The following DENND4C variants were observed in gnomAD, a reference collection of about 807,000 sequenced individuals.
DENND4C encodes the protein DENN domain-containing protein 4C.
Under a neutral mutation model 203.0 loss-of-function variants are expected in DENND4C, and 108 were observed. The ratio of observed to expected loss-of-function variants is 0.53; its 90% CI spans 0.46 to 0.62. DENND4C has a LOEUF of 0.62. DENND4C is among the 20% of genes least tolerant of loss of function. DENND4C has a pLI of 0.00. For missense variants in DENND4C, 2,481 were observed against 2,301.2 expected (o/e 1.08, Z -1.60); for synonymous variants, 871 against 792.4 (o/e 1.10, Z -1.67).
chr9:19,277,736 A>C (rs1406579133), intron 2 of DENND4C, among the ~76,000 whole-genome samples: 1 of 151,990 alleles, frequency 6.6e-6, no homozygotes, highest in African/African-American at 2.4e-5. Flanking sequence ...CTCATTCCTG[A>C]TTTTAGGTGG....
Position 19,278,877 on chromosome 9 carries a change from C to T in DENND4C, c.305+2398C>T, listed in dbSNP as rs868311463. On this transcript the variant is annotated intron_variant, in intron 2 of 32. Transcript: ENST00000434457. ...AAAGGCCCCCTCCACTCTGCCCCCC[C>T]AGAAGCTTGACTTTAAGGGAAGGGG... Among the ~76,000 whole-genome samples, 4 of 152,148 alleles carry T rather than the reference C, an allele frequency of 2.6e-5. No individual in the cohort carries two copies. The South Asian group carries it at 6.2e-4, about 24-fold the overall frequency.
chr9:19,316,100 C>A (rs927453020), intron 10 of DENND4C, among the ~76,000 whole-genome samples: 9 of 152,130 alleles, frequency 5.9e-5, no homozygotes, highest in African/African-American at 2.2e-4. Flanking sequence ...TTTGAAGTCT[C>A]ATGTCAACTA....
chr9:19,230,617 G>A (rs1329926826), upstream of DENND4C: 1 of 152,152 alleles, frequency 6.6e-6, no homozygotes, highest in Non-Finnish European at 1.5e-5. Flanking sequence ...CACCCGCGCG[G>A]GCCAGCGCTC....
chr9:19,336,370 C>T lies in DENND4C; in HGVS notation c.2690C>T (p.Pro897Leu), dbSNP rs144291586. 32 of 1,613,680 alleles carry T rather than the reference C, an allele frequency of 2.0e-5. No individual in the cohort carries two copies. Among genetic ancestry groups the T allele is most frequent in the East Asian group, 1.1e-4 (5 of 44,890 alleles). Residue 897 changes from proline (P) to leucine (L), a missense_variant, in exon 19 of 33, where the codon CCG becomes CTG. Physicochemically the swap from Pro to Leu is moderately conservative, Grantham distance 98 (BLOSUM62 -3). Transcript: ENST00000434457. ...CGTGGCTTGGCACAGTTTAGGCAGC[C>T]GCTTAAAAAGACTGTGCAAAGGTCA... ...VVRGLAQFRQ[P>L]LKKTVQRSQV...
intron 29 of DENND4C, among the ~76,000 whole-genome samples, chr9:19,361,179 A>T (rs1395357162): frequency 6.6e-6 from 1 of 152,102 alleles, no homozygotes; most frequent in Non-Finnish European, 1.5e-5. Context: ...TATTATTCTT[A>T]ACTGTTCTGT....
At chr9:19,236,713 C>T (rs1373110513) in intron 1 of DENND4C, among the ~76,000 whole-genome samples, 5 of 152,158 alleles carry the variant, frequency 3.3e-5, no homozygotes, top group Admixed American at 6.5e-5. Context: ...GACTTGAGAA[C>T]TGTTACATAA....
At chr9:19,281,474 A>G (rs1030751239) in intron 2 of DENND4C, among the ~76,000 whole-genome samples, 5 of 152,208 alleles carry the variant, frequency 3.3e-5, no homozygotes, top group African/African-American at 9.7e-5. Flanking sequence ...CCTATTAGCT[A>G]CTGGAAATAC....
At chr9:19,353,328 T>C (rs1824608827) in intron 26 of DENND4C, among the ~76,000 whole-genome samples, 1 of 152,100 alleles carries the variant, frequency 6.6e-6, no homozygotes, top group South Asian at 2.1e-4. Context: ...TGCCTTTAGC[T>C]GCTTTAAAAA....
chr9:19,245,853 C>G (rs1258672007), intron 1 of DENND4C, among the ~76,000 whole-genome samples: 1 of 92,052 alleles, frequency 1.1e-5, no homozygotes, highest in Non-Finnish European at 2.5e-5. Context: ...GAGACTCCGT[C>G]TCAAAAAAAA....
chr9:19,312,191 C>T (rs1304819162), intron 10 of DENND4C, among the ~76,000 whole-genome samples: 2 of 152,158 alleles, frequency 1.3e-5, no homozygotes, highest in Admixed American at 6.5e-5. Flanking sequence ...GGAATGTCCA[C>T]CTTCCAGGCT....
intron 1 of DENND4C, among the ~76,000 whole-genome samples, chr9:19,250,540 C>G (rs1177037396): frequency 6.6e-6 from 1 of 152,124 alleles, no homozygotes; most frequent in Non-Finnish European, 1.5e-5. Flanking sequence ...AAAGTCTTAA[C>G]TCATTTTGAC....
At chr9:19,281,428 GA>G (rs1284987899) in intron 2 of DENND4C, among the ~76,000 whole-genome samples, 2 of 152,142 alleles carry the variant, frequency 1.3e-5, no homozygotes, top group African/African-American at 4.8e-5. Context: ...AAGGGGTTTG[GA>G]AAACCTATTA....
chr9:19,366,307 A>G (rs2132289821), intron 30 of DENND4C, among the ~76,000 whole-genome samples: 1 of 152,334 alleles, frequency 6.6e-6, no homozygotes, highest in Non-Finnish European at 1.5e-5. Context: ...AGACCATTTA[A>G]GATAGTCTTT....
chr9:19,319,393 C>A (rs4977300), intron 12 of DENND4C, among the ~76,000 whole-genome samples: 1 of 132,468 alleles, frequency 7.5e-6, no homozygotes, highest in Admixed American at 7.7e-5. Flanking sequence ...TATATATATA[C>A]ATATATATAT....
chr9:19,241,241 A>G (rs1356499902), intron 1 of DENND4C, among the ~76,000 whole-genome samples: 14 of 152,210 alleles, frequency 9.2e-5, no homozygotes, highest in Admixed American at 9.2e-4. Flanking sequence ...AGCTTATTGT[A>G]ACCTTTTGAC....
In DENND4C at chr9:19,340,987, A is replaced by G; in HGVS notation, c.2882-5A>G. ...TTATATGTAAGTCTGCATTCTTTTT[A>G]ACAGGTGGTCAGTCTGACCAAGGAT... On this transcript the variant is annotated splice_region_variant and splice_polypyrimidine_tract_variant and intron_variant, in intron 20 of 32. Coordinates refer to ENST00000434457, the MANE Select transcript of DENND4C (RefSeq NM_001330640.2). 1 of 1,588,586 alleles carries G rather than the reference A, an allele frequency of 6.3e-7. No homozygotes were observed. Among genetic ancestry groups the G allele is most frequent in the Non-Finnish European group, 8.5e-7 (1 of 1,171,912 alleles).
At chr9:19,279,682 A>C (rs1833636715) in intron 2 of DENND4C, among the ~76,000 whole-genome samples, 1 of 140,486 alleles carries the variant, frequency 7.1e-6, no homozygotes, top group Non-Finnish European at 1.5e-5. Flanking sequence ...TTCTCAAGAC[A>C]AAAAAAAAAA....
chr9:19,274,723 G>T (rs193079192), intron 1 of DENND4C, among the ~76,000 whole-genome samples: 15 of 152,256 alleles, frequency 9.9e-5, no homozygotes, highest in African/African-American at 3.6e-4. Context: ...TGGTATTTAT[G>T]GAAAGTTTAA....
intron 22 of DENND4C, among the ~76,000 whole-genome samples, chr9:19,345,637 A>G (rs1822708026): frequency 6.6e-6 from 1 of 152,242 alleles, no homozygotes; most frequent in Non-Finnish European, 1.5e-5. Context: ...AGTGAAGAAC[A>G]CAGGTATATC....
Sources: gnomAD v4.1 joint callset for allele counts (sites outside exome capture counted in the v4.1 genomes callset) on GRCh38, gnomAD v4.1.1 for gene constraint, MANE v1.5 for transcripts, NCBI Gene and HGNC (gene_info 2026-07-23, HGNC 2026-07-21) for gene names.